The following FBXO31 variants were observed in gnomAD, a reference collection of about 807,000 sequenced individuals.
FBXO31 encodes the protein F-box only protein 31.
FBXO31 carries 24 observed loss-of-function variants against 54.4 expected under a neutral mutation model. That is an observed-to-expected ratio of 0.44 (90% CI 0.32 to 0.62). The LOEUF is 0.62. FBXO31 is among the 20% of genes least tolerant of loss of function. The pLI is 0.05. For synonymous variants in FBXO31, 388 were observed against 335.6 expected, an observed-to-expected ratio of 1.16 and a Z score of -1.71; for missense variants, 665 against 787.1, an observed-to-expected ratio of 0.84 and a Z score of 1.86.
In FBXO31 at chr16:87,328,521, G is replaced by C. The variant is rs1176364700; in HGVS notation, c.*2767C>G. ...AGTGGACACTTGAGGTCACGGCCCA[G>C]GTGGGCTGAGGGACCCCAATACCAC... On this transcript the variant is annotated 3_prime_UTR_variant, in exon 9 of 9. Coordinates refer to ENST00000311635, the MANE Select transcript of FBXO31 (RefSeq NM_024735.5). 6.6e-6 allele frequency: 1 copy of C among 152,278 alleles called. No individual in the cohort carries two copies. Among genetic ancestry groups the C allele is most frequent in the African/African-American group, 2.4e-5 (1 of 41,470 alleles). The allele number at this position is 152,278 out of a possible 1,614,324, so 9.4% of individuals were successfully genotyped here. A position where few individuals can be genotyped will look rare whatever the true frequency, so the allele number is the denominator to read the frequency against.
At chr16:87,379,777 G>A (rs1026634982) in intron 1 of FBXO31, among the ~76,000 whole-genome samples, 10 of 151,680 alleles carry the variant, frequency 6.6e-5, no homozygotes, top group African/African-American at 2.2e-4. Context: ...TAGTAGAGAC[G>A]GGGTTTCACC....
chr16:87,377,086 C>T (rs894701571), intron 1 of FBXO31, among the ~76,000 whole-genome samples: 1 of 152,200 alleles, frequency 6.6e-6, no homozygotes, highest in African/African-American at 2.4e-5. Flanking sequence ...TTACCACGTT[C>T]GTAACTTTGG....
chr16:87,334,526 T>C (rs1006609117), intron 7 of FBXO31, among the ~76,000 whole-genome samples: 1 of 152,088 alleles, frequency 6.6e-6, no homozygotes, highest in African/African-American at 2.4e-5. Flanking sequence ...CCCAGAGAAG[T>C]TCAAAGAACA....
At chr16:87,343,037 C>G in intron 4 of FBXO31, 86 bp from the exon 5 acceptor site, 1 of 1,135,008 alleles carries the variant, frequency 8.8e-7, no homozygotes, top group Non-Finnish European at 1.3e-6. Flanking sequence ...TGGCCACGAC[C>G]CCTCCCTCAC....
At chr16:87,377,011 C>T (rs1323263513) in intron 1 of FBXO31, among the ~76,000 whole-genome samples, 2 of 152,232 alleles carry the variant, frequency 1.3e-5, no homozygotes, top group African/African-American at 2.4e-5. Context: ...CGGTCTGATA[C>T]CTGACCTAGA....
At chr16:87,389,552 T>A (rs1907447931) in intron 1 of FBXO31, 1 of 152,180 alleles carries the variant, frequency 6.6e-6, no homozygotes, top group Non-Finnish European at 1.5e-5. Flanking sequence ...TTGGAACAGT[T>A]GTCCAGCAAG....
intron 1 of FBXO31, among the ~76,000 whole-genome samples, chr16:87,366,334 T>G (rs1471351281): frequency 1.3e-5 from 2 of 152,250 alleles, no homozygotes; most frequent in Non-Finnish European, 2.9e-5. Context: ...TTGCAATTTT[T>G]TAATAAATCC....
chr16:87,352,552 C>T (rs1240828129), intron 2 of FBXO31, among the ~76,000 whole-genome samples: 1 of 152,204 alleles, frequency 6.6e-6, no homozygotes, highest in East Asian at 1.9e-4. Context: ...TCCCACAGGC[C>T]TGTTCAGGTC....
intron 1 of FBXO31, among the ~76,000 whole-genome samples, chr16:87,376,285 TTTTG>T (rs1420215083): frequency 1.3e-5 from 2 of 151,972 alleles, no homozygotes; most frequent in African/African-American, 4.8e-5. Flanking sequence ...TCTTTTTTTT[TTTTG>T]TTAAGACAGA....
chr16:87,365,130 A>C (rs1456679244), intron 1 of FBXO31, among the ~76,000 whole-genome samples: 1 of 147,910 alleles, frequency 6.8e-6, no homozygotes, highest in Non-Finnish European at 1.5e-5. Context: ...ATTTGCTTTA[A>C]GGCGAGATTC....
chr16:87,346,882 T>A lies in FBXO31; in HGVS notation c.489+292A>T, dbSNP rs1905412350. Among the ~76,000 whole-genome samples the A allele has an allele frequency of 6.6e-6, 1 of 152,156 alleles. No homozygotes were observed. Among genetic ancestry groups the A allele is most frequent in the African/African-American group, 2.4e-5 (1 of 41,444 alleles). On this transcript the variant is annotated intron_variant, in intron 3 of 8. Coordinates refer to ENST00000311635, the MANE Select transcript of FBXO31 (RefSeq NM_024735.5). This position sits in a 1 kb window ranked among gnomAD's most constrained non-coding sequence, Gnocchi z 4.2. Reference sequence around the variant, plus strand: ...GGGCGGGCTCCAGACCCCGCCAACATGTGCGCGATGGGCCTCAGCGTCCAG... The same window carrying A: ...GGGCGGGCTCCAGACCCCGCCAACAAGTGCGCGATGGGCCTCAGCGTCCAG...
chr16:87,391,773 C>T (rs1320610127), upstream of FBXO31: 2 of 152,278 alleles, frequency 1.3e-5, no homozygotes, highest in African/African-American at 2.4e-5. Context: ...CACGCGCGCC[C>T]CTGCACGCAG....
rs1257007440 is a variant in FBXO31, at chr16:87,358,537, C to T, written c.412+1758G>A. 4 of 152,684 alleles carry T rather than the reference C, an allele frequency of 2.6e-5. No homozygotes were observed. Among genetic ancestry groups the T allele is most frequent in the Admixed American group, 6.5e-5 (1 of 15,284 alleles). 9.5% of individuals were successfully genotyped at this position (152,684 alleles called of 1,614,324 possible). On this transcript the variant is annotated intron_variant, in intron 2 of 8. Coordinates refer to ENST00000311635, the MANE Select transcript of FBXO31 (RefSeq NM_024735.5). The surrounding 1 kb of genome is among the most constrained non-coding windows in gnomAD (Gnocchi z 4.0). ...CAGGGAAAGGGCTAAGGATGGCTCC[C>T]TTTACAGGACTGTGCAAACAGCGTG...
At chr16:87,381,350 G>A (rs934760932) in intron 1 of FBXO31, among the ~76,000 whole-genome samples, 2 of 152,164 alleles carry the variant, frequency 1.3e-5, no homozygotes, top group African/African-American at 4.8e-5. Flanking sequence ...AAATAGCCAA[G>A]AATCATCAAC....
chr16:87,356,616 G>A (rs1013746939), intron 2 of FBXO31, among the ~76,000 whole-genome samples: 4 of 152,180 alleles, frequency 2.6e-5, no homozygotes, highest in Non-Finnish European at 4.4e-5. Context: ...AGGCACCTCC[G>A]CACCAACTAC....
At position 87,347,169 on chromosome 16, in the gene FBXO31, C is replaced by A; in HGVS notation, c.489+5G>T. 1 of 1,614,008 alleles carries A rather than the reference C, an allele frequency of 6.2e-7. No individual in the cohort carries two copies. The highest frequency in any genetic ancestry group is 8.5e-7 in the Non-Finnish European group (1 of 1,179,902). ...CAGACCTCGTCGCGAGGCTCCGGGA[C>A]TTACCACCACGTTCAGCAGTCCTCC... On this transcript the variant is annotated splice_donor_5th_base_variant and intron_variant, in intron 3 of 8. Transcript: ENST00000311635.
chr16:87,335,180 G>C lies in FBXO31; in HGVS notation c.996+124C>G. 2.9e-6 allele frequency: 4 copies of C among 1,386,248 alleles called. No individual in the cohort carries two copies. The highest frequency in any genetic ancestry group is 4.0e-6 in the Non-Finnish European group (4 of 998,706). The allele number at this position is 1,386,248 out of a possible 1,614,324, so 85.9% of individuals were successfully genotyped here. ...GCTTTCCCAAGCTCCCGGGGCTGCA[G>C]GTGCAAGCCCACTCTGAGGAGCAAG... is the stretch of plus-strand genomic sequence containing the variant. On this transcript the variant is annotated intron_variant, in intron 7 of 8. Coordinates refer to ENST00000311635, the MANE Select transcript of FBXO31 (RefSeq NM_024735.5). The surrounding 1 kb of genome is among the most constrained non-coding windows in gnomAD (Gnocchi z 5.7).
chr16:87,370,031 C>T (rs1450597833), intron 1 of FBXO31, among the ~76,000 whole-genome samples: 1 of 152,164 alleles, frequency 6.6e-6, no homozygotes, highest in East Asian at 1.9e-4. Flanking sequence ...CAACAGAGCT[C>T]ATTGCTGAGT....
Position 87,336,406 on chromosome 16 carries a change from G to C in FBXO31, c.733-142C>G. The stretch of plus-strand genomic sequence containing the variant: ...AGGGCCCTCTTGGTGGGGGAGGATG[G>C]ACTTGGCGCTGGGAAGAGAAAGGGG... On this transcript the variant is annotated intron_variant, in intron 5 of 8. Transcript: ENST00000311635. The surrounding 1 kb of genome is among the most constrained non-coding windows in gnomAD (Gnocchi z 6.5). The C allele has an allele frequency of 1.4e-6, 1 of 690,246 alleles. No homozygotes were observed. 42.8% of individuals were successfully genotyped at this position (690,246 alleles called of 1,614,324 possible).
Sources: allele counts gnomAD v4.1 joint callset (sites outside exome capture counted in the v4.1 genomes callset), GRCh38; gene constraint gnomAD v4.1.1; non-coding constraint Gnocchi (gnomAD v3.1); transcripts MANE v1.5; gene names NCBI Gene and HGNC (gene_info 2026-07-23, HGNC 2026-07-21).